The following PARP4 variants were observed in gnomAD, a reference collection of about 807,000 sequenced individuals.
PARP4 encodes poly(ADP-ribose) polymerase family member 4.
Under a neutral mutation model 187.7 loss-of-function variants are expected in PARP4, and 120 were observed. That is an observed-to-expected ratio of 0.64 (90% CI 0.55 to 0.74). The LOEUF (loss-of-function observed/expected upper bound fraction) is 0.74. PARP4 is among the 30% of genes least tolerant of loss of function. The pLI, the probability that PARP4 is intolerant of heterozygous loss-of-function variation, is 0.00. For synonymous variants in PARP4, 654 were observed against 740.9 expected, an observed-to-expected ratio of 0.88 and a Z score of 1.90; for missense variants, 1,836 against 2,070.5, an observed-to-expected ratio of 0.89 and a Z score of 2.20.
At chr13:24,474,738 T>G (rs1872896506) in intron 15 of PARP4, among the ~76,000 whole-genome samples, 1 of 152,186 alleles carries the variant, frequency 6.6e-6, no homozygotes, top group African/African-American at 2.4e-5. Flanking sequence ...GGCCTCTTCC[T>G]ACTGTTCCCA....
intron 30 of PARP4, among the ~76,000 whole-genome samples, chr13:24,441,392 T>G (rs946122412): frequency 2.0e-5 from 3 of 152,246 alleles, no homozygotes. Context: ...CCTTTGTTTT[T>G]GAATTTTTCT....
Position 24,434,871 on chromosome 13 carries a change from G to A in PARP4, c.4270C>T (p.Pro1424Ser), listed in dbSNP as rs968553280. 1 of 1,614,128 alleles carries A rather than the reference G, an allele frequency of 6.2e-7. No individual in the cohort carries two copies. The highest frequency in any genetic ancestry group is 1.3e-5 in the African/African-American group (1 of 75,058). Reference sequence around the variant, plus strand: ...AGCTCAGGGAAGGTGCCAGCAGAAGGCCTGGTAGTAAAGCCTCCAGGATGT... The same window carrying A: ...AGCTCAGGGAAGGTGCCAGCAGAAGACCTGGTAGTAAAGCCTCCAGGATGT... ...LQHPGGFTTR[P>S]SAGTFPELDS... The change falls in exon 31 of 34, where the codon CCT becomes TCT. Residue 1424 changes from proline (P) to serine (S), a missense_variant. Around this residue, in one of 8 missense-constraint regions of PARP4, gnomAD observed 450 missense variants for 439.2 expected, o/e 1.02. Transcript: ENST00000381989.
intron 14 of PARP4, among the ~76,000 whole-genome samples, 195 bp from the exon 15 acceptor site, chr13:24,475,791 C>CT (rs34628702): frequency 0.4 from 59,883 of 148,036 alleles, 12,238 homozygotes; most frequent in East Asian, 0.58. Context: ...TGCCTTCTGC[C>CT]TTTTTTTTTT....
chr13:24,451,764 C>G (rs1243608687), intron 24 of PARP4, among the ~76,000 whole-genome samples: 5 of 152,208 alleles, frequency 3.3e-5, no homozygotes, highest in African/African-American at 1.2e-4. Flanking sequence ...TCGATGTTTT[C>G]CTTACACATA....
chr13:24,489,218 C>T (rs1468242434), intron 10 of PARP4, among the ~76,000 whole-genome samples: 1 of 152,150 alleles, frequency 6.6e-6, no homozygotes, highest in Non-Finnish European at 1.5e-5. Context: ...GTTGAGGAAT[C>T]ATCTAACGCA....
chr13:24,503,577 T>A (rs771839056), intron 2 of PARP4, 68 bp downstream of exon 2: 12 of 1,560,676 alleles, frequency 7.7e-6, no homozygotes, highest in Non-Finnish European at 1.1e-5. Flanking sequence ...CTTCCTCTTC[T>A]AACCATGACC....
In PARP4 at chr13:24,501,682, A is replaced by T. The variant is rs1322093372; in HGVS notation, c.285T>A (p.Tyr95Ter). Residue 95 changes from tyrosine (Y) to a stop codon, truncating the protein, a stop_gained, in exon 3 of 34, where the codon TAT (tyrosine) becomes TAA (stop). Transcript: ENST00000381989. LOFTEE classifies it high-confidence loss of function. ...GAGGTGGTGTGATGTCCAGGGGCTTATAAGGATCATAATTCTTTACATCCA... is the reference window on the plus strand; with the variant it reads ...GAGGTGGTGTGATGTCCAGGGGCTTTTAAGGATCATAATTCTTTACATCCA... ...RLLDVKNYDP[Y>*]KPLDITPPPD... 3.1e-6 allele frequency: 5 copies of T among 1,613,464 alleles called. No individual in the cohort carries two copies. Among genetic ancestry groups the T allele is most frequent in the Non-Finnish European group, 4.2e-6 (5 of 1,179,536 alleles).
At chr13:24,504,565 A>G (rs1175503282) in intron 1 of PARP4, among the ~76,000 whole-genome samples, 3 of 152,020 alleles carry the variant, frequency 2.0e-5, no homozygotes, top group African/African-American at 7.2e-5. Context: ...CTGTGATTAC[A>G]GGTGTGAGCC....
intron 27 of PARP4, 28 bp from the exon 28 acceptor site, chr13:24,443,758 A>T: frequency 6.8e-7 from 1 of 1,480,652 alleles, no homozygotes; most frequent in Non-Finnish European, 9.4e-7. Flanking sequence ...AGGAAAAAAA[A>T]TATTCACATG....
intron 5 of PARP4, among the ~76,000 whole-genome samples, chr13:24,498,732 G>A (rs1869099740): frequency 6.8e-6 from 1 of 147,690 alleles, no homozygotes; most frequent in Non-Finnish European, 1.5e-5. Flanking sequence ...AGACACTAGT[G>A]TTGATTTTCA....
chr13:24,506,076 T>C (rs571564798), intron 1 of PARP4, among the ~76,000 whole-genome samples: 414 of 152,312 alleles, frequency 2.7e-3, no homozygotes, highest in Non-Finnish European at 5.0e-3. Flanking sequence ...TCTCACTGAC[T>C]TCAAAAACGA....
chr13:24,484,835 C>T (rs1193016671), intron 11 of PARP4, 87 bp from the exon 12 acceptor site: 1 of 817,496 alleles, frequency 1.2e-6, no homozygotes, highest in South Asian at 1.5e-5. Flanking sequence ...TCCTACTGAA[C>T]TTCTGGCATT....
At chr13:24,490,463 G>A (rs3783075) in intron 10 of PARP4, among the ~76,000 whole-genome samples, 6 of 152,310 alleles carry the variant, frequency 3.9e-5, no homozygotes, top group South Asian at 2.1e-4. Flanking sequence ...CTTGAAATCG[G>A]AGTGGAATAT....
intron 22 of PARP4, 41 bp downstream of exon 22, chr13:24,454,976 T>C: frequency 8.8e-6 from 13 of 1,472,768 alleles, no homozygotes; most frequent in Non-Finnish European, 1.1e-5. Context: ...GATTCACATG[T>C]AGGGGAAGCA....
At chr13:24,426,988 A>G (rs1262602881) in intron 32 of PARP4, among the ~76,000 whole-genome samples, 1 of 151,562 alleles carries the variant, frequency 6.6e-6, no homozygotes, top group African/African-American at 2.4e-5. Context: ...AGGTCCTTAA[A>G]TGGTTTGCTG....
chr13:24,464,319 A>C (rs1032186995), intron 17 of PARP4, among the ~76,000 whole-genome samples: 5 of 152,210 alleles, frequency 3.3e-5, no homozygotes, highest in African/African-American at 1.2e-4. Flanking sequence ...TATGGAACCA[A>C]AAAAGAGCCT....
chr13:24,507,980 G>C (rs777159238), intron 1 of PARP4, among the ~76,000 whole-genome samples: 8 of 152,132 alleles, frequency 5.3e-5, no homozygotes, highest in Non-Finnish European at 1.2e-4. Flanking sequence ...TTTGAGGTCC[G>C]GTTAAACTGA....
At chr13:24,491,040 C>A (rs1868613961) in intron 9 of PARP4, among the ~76,000 whole-genome samples, 1 of 152,024 alleles carries the variant, frequency 6.6e-6, no homozygotes, top group African/African-American at 2.4e-5. Context: ...CTCCTGAGTT[C>A]AATAGATCCT....
At chr13:24,459,530 T>TACACACACACAC (rs1312201656) in intron 18 of PARP4, 2 of 312,298 alleles carry the variant, frequency 6.4e-6, no homozygotes, top group South Asian at 3.5e-5. Flanking sequence ...TGTCTGTGTG[T>TACACACACACAC]ATACACACAC....
Sources: gnomAD v4.1 joint callset for allele counts (sites outside exome capture counted in the v4.1 genomes callset) on GRCh38, gnomAD v4.1.1 for gene constraint, gnomAD v4.1.1 regional missense constraint, MANE v1.5 for transcripts, NCBI Gene and HGNC (gene_info 2026-07-23, HGNC 2026-07-21) for gene names.